The following PPP1R17 variants were observed in gnomAD, a reference collection of about 807,000 sequenced individuals.
The protein encoded by PPP1R17 is protein phosphatase 1 regulatory subunit 17, also known as G-substrate.
PPP1R17 carries 12 observed loss-of-function variants against 15.9 expected under a neutral mutation model. That is an observed-to-expected ratio of 0.75 (90% CI 0.48 to 1.22). PPP1R17 has a LOEUF of 1.22. PPP1R17 is among the 50% of genes most tolerant of loss of function. The pLI, the probability that PPP1R17 is intolerant of heterozygous loss-of-function variation, is 0.00. For missense variants in PPP1R17, 211 were observed against 187.3 expected (o/e 1.13, Z -0.74); for synonymous variants, 63 against 64.5 (o/e 0.98, Z 0.11).
At chr7:31,691,911 G>A (rs1008440236) in intron 1 of PPP1R17, among the ~76,000 whole-genome samples, 10 of 151,382 alleles carry the variant, frequency 6.6e-5, no homozygotes, top group African/African-American at 2.4e-4. Context: ...TCTAATGGAA[G>A]TCAGCAGGAC....
At chr7:31,698,581 T>C (rs1792711974) in intron 4 of PPP1R17, among the ~76,000 whole-genome samples, 1 of 152,208 alleles carries the variant, frequency 6.6e-6, no homozygotes, top group Non-Finnish European at 1.5e-5. Context: ...GTTTAGGACA[T>C]GCAGAAGTCT....
chr7:31,703,278 A>T (rs1355945477), intron 4 of PPP1R17, among the ~76,000 whole-genome samples: 2 of 152,182 alleles, frequency 1.3e-5, no homozygotes, highest in Non-Finnish European at 1.5e-5. Context: ...ACAGCATTTT[A>T]CTTCTCTGTA....
intron 4 of PPP1R17, 133 bp downstream of exon 4, chr7:31,697,250 A>T: frequency 9.0e-7 from 1 of 1,107,950 alleles, no homozygotes; most frequent in South Asian, 1.7e-5. Context: ...CTCTGGGGAG[A>T]AGCCACACTC....
intron 1 of PPP1R17, among the ~76,000 whole-genome samples, chr7:31,688,520 T>C (rs1042538283): frequency 6.6e-6 from 1 of 152,250 alleles, no homozygotes; most frequent in South Asian, 2.1e-4. Flanking sequence ...CTTTCTGCAA[T>C]ATAGTGGGGT....
chr7:31,697,680 G>A (rs1256673446), intron 4 of PPP1R17, among the ~76,000 whole-genome samples: 1 of 152,170 alleles, frequency 6.6e-6, no homozygotes, highest in Non-Finnish European at 1.5e-5. Context: ...GTATATTCAT[G>A]GCTAGAGTAT....
At chr7:31,701,567 C>G (rs1423859070) in intron 4 of PPP1R17, among the ~76,000 whole-genome samples, 1 of 152,186 alleles carries the variant, frequency 6.6e-6, no homozygotes, top group East Asian at 1.9e-4. Context: ...AAAGGATTGA[C>G]TTGATTTTGA....
intron 1 of PPP1R17, among the ~76,000 whole-genome samples, chr7:31,690,293 A>G (rs1003811619): frequency 2.0e-5 from 3 of 152,236 alleles, no homozygotes; most frequent in South Asian, 2.1e-4. Flanking sequence ...TATGACTACA[A>G]TGTGCTAAGC....
rs749919311 is a variant in PPP1R17 at position 31,692,393 on chromosome 7, T to A, written c.-36-13T>A. On this transcript the variant is annotated splice_polypyrimidine_tract_variant and intron_variant, in intron 1 of 4. Transcript: ENST00000342032. ...AGAGCCATACTTATTAACTGTTTTTTATACTTCCTTAGTGCTGGAGAAGAA... is the reference window on the plus strand; with the variant it reads ...AGAGCCATACTTATTAACTGTTTTTAATACTTCCTTAGTGCTGGAGAAGAA... 1.2e-5 allele frequency: 17 copies of A among 1,445,474 alleles called. No homozygotes were observed. In the South Asian group the frequency reaches 1.6e-4, roughly 14 times the overall value. 89.5% of individuals were successfully genotyped at this position (1,445,474 alleles called of 1,614,324 possible).
intron 4 of PPP1R17, among the ~76,000 whole-genome samples, chr7:31,698,356 C>T (rs1041834681): frequency 1.3e-5 from 2 of 152,182 alleles, no homozygotes; most frequent in African/African-American, 4.8e-5. Flanking sequence ...ACCTCTTCTT[C>T]TCTTCCCACT....
chr7:31,688,402 C>T (rs1259372399), intron 1 of PPP1R17, among the ~76,000 whole-genome samples: 1 of 152,216 alleles, frequency 6.6e-6, no homozygotes, highest in Non-Finnish European at 1.5e-5. Context: ...ATTCTCACAT[C>T]CAACTGAGAA....
intron 1 of PPP1R17, among the ~76,000 whole-genome samples, chr7:31,689,638 G>A (rs1792255562): frequency 1.3e-5 from 2 of 152,108 alleles, no homozygotes. Flanking sequence ...GATAGAAATG[G>A]AGAGTGAGTT....
intron 1 of PPP1R17, among the ~76,000 whole-genome samples, chr7:31,689,445 G>A (rs774445868): frequency 6.6e-6 from 1 of 152,088 alleles, no homozygotes; most frequent in Non-Finnish European, 1.5e-5. Flanking sequence ...ACCTTCCCTG[G>A]GCAGCCCAAC....
At chr7:31,690,911 T>A (rs1233031497) in intron 1 of PPP1R17, among the ~76,000 whole-genome samples, 5 of 152,136 alleles carry the variant, frequency 3.3e-5, no homozygotes, top group Non-Finnish European at 7.4e-5. Context: ...TTCAACATAA[T>A]ATGTATGACT....
chr7:31,699,771 ACT>A (rs1340230213), intron 4 of PPP1R17, among the ~76,000 whole-genome samples: 1 of 151,928 alleles, frequency 6.6e-6, no homozygotes, highest in Non-Finnish European at 1.5e-5. Context: ...TAGTTCTTGC[ACT>A]GTTTAGAATT....
rs145507142 is a variant in PPP1R17, at chr7:31,707,250, T to C, written c.435T>C (p.Asp145=). The C allele has an allele frequency of 1.5e-4, 243 of 1,614,074 alleles. No homozygotes were observed. The East Asian group carries it at 4.8e-3, about 32-fold the overall frequency. Residue 145 remains aspartate (D), a synonymous_variant, in exon 5 of 5, where the codon GAT becomes GAC. Transcript: ENST00000342032. ...RDERPKAIVE[D]DEKDGDKIAI is the part of the protein sequence containing the mutation. ...AGAGACCCAAAGCAATCGTGGAAGATGACGAAAAGGATGGTGACAAGATAG... is the reference window on the plus strand; with the variant it reads ...AGAGACCCAAAGCAATCGTGGAAGACGACGAAAAGGATGGTGACAAGATAG...
At position 31,708,329 on chromosome 7, in the gene PPP1R17, C is replaced by T. The variant is rs1793153194; in HGVS notation, c.*1046C>T. On this transcript the variant is annotated 3_prime_UTR_variant, in exon 5 of 5. Coordinates refer to ENST00000342032, the MANE Select transcript of PPP1R17 (RefSeq NM_006658.5). The stretch of plus-strand genomic sequence containing the variant: ...AAAGTAGATACGCAAATTGTCACAA[C>T]TAAGAGTGATAATTTGGTAGCTCTG... 1 of 152,202 alleles carries T rather than the reference C, an allele frequency of 6.6e-6. No homozygotes were observed. The highest frequency in any genetic ancestry group is 6.5e-5 in the Admixed American group (1 of 15,278). 9.4% of individuals were successfully genotyped at this position (152,202 alleles called of 1,614,324 possible).
intron 4 of PPP1R17, among the ~76,000 whole-genome samples, chr7:31,698,362 C>T (rs189766756): frequency 6.6e-6 from 1 of 152,172 alleles, no homozygotes; most frequent in African/African-American, 2.4e-5. Context: ...TCTTCTCTTC[C>T]CACTTCCAAT....
intron 3 of PPP1R17, among the ~76,000 whole-genome samples, chr7:31,696,281 G>A (rs1358557650): frequency 1.3e-5 from 2 of 152,122 alleles, no homozygotes; most frequent in Non-Finnish European, 2.9e-5. Context: ...CACCTTGAGG[G>A]TTGCAAAACA....
rs1793120412 is a variant in PPP1R17 at position 31,707,458 on chromosome 7, T to C, written c.*175T>C. On this transcript the variant is annotated 3_prime_UTR_variant, in exon 5 of 5. Coordinates refer to ENST00000342032, the MANE Select transcript of PPP1R17 (RefSeq NM_006658.5). Reference sequence around the variant, plus strand: ...ATTGCCAGTCACCTCTTTGTCTCTCTCTTCTTTCTGAGTATGGTTTCTATT... The same window carrying C: ...ATTGCCAGTCACCTCTTTGTCTCTCCCTTCTTTCTGAGTATGGTTTCTATT... 1 of 586,788 alleles carries C rather than the reference T, an allele frequency of 1.7e-6. No homozygotes were observed. The highest frequency in any genetic ancestry group is 3.0e-6 in the Non-Finnish European group (1 of 331,430). The allele number at this position is 586,788 out of a possible 1,614,324, so 36.3% of individuals were successfully genotyped here. A position where few individuals can be genotyped will look rare whatever the true frequency, so the allele number is the denominator to read the frequency against.
Sources: gnomAD v4.1 joint callset for allele counts (sites outside exome capture counted in the v4.1 genomes callset) on GRCh38, gnomAD v4.1.1 for gene constraint, MANE v1.5 for transcripts, NCBI Gene and HGNC (gene_info 2026-07-23, HGNC 2026-07-21) for gene names.